The following DMD variants were observed in gnomAD, a reference collection of about 807,000 sequenced individuals.
The protein encoded by DMD is dystrophin.
DMD carries 63 observed loss-of-function variants against 330.1 expected under a neutral mutation model. The observed-to-expected ratio is 0.19, with a 90% CI of 0.16 to 0.24. DMD has a LOEUF of 0.24. Among genes scored for constraint, DMD ranks in the 10% least tolerant of loss-of-function variants. The pLI is 1.00. For synonymous variants in DMD, 1,223 were observed against 959.8 expected (o/e 1.27, Z -5.07); for missense variants, 3,344 against 2,684.1 (o/e 1.25, Z -5.43).
chrX:32,264,918 T>A (rs763163940), intron 43 of DMD, among the ~76,000 whole-genome samples: 50 of 112,207 alleles, frequency 4.5e-4, no homozygotes, highest in African/African-American at 1.6e-3. Context: ...TTGGAAATTA[T>A]GTTTAAAAGG....
At chrX:32,623,255 G>A (rs1178923041) in intron 11 of DMD, among the ~76,000 whole-genome samples, 1 of 111,765 alleles carries the variant, frequency 8.9e-6, no homozygotes, top group Non-Finnish European at 1.9e-5. Flanking sequence ...TGGGTGATTA[G>A]CAAGGAAGTG....
chrX:31,562,419 C>A (rs964223463), intron 55 of DMD, among the ~76,000 whole-genome samples: 1 of 111,978 alleles, frequency 8.9e-6, no homozygotes, highest in Admixed American at 9.4e-5. Context: ...CAGCAATTTG[C>A]GTTTCATCTG....
At chrX:31,278,775 C>T (rs1046349760) in intron 62 of DMD, among the ~76,000 whole-genome samples, 30 of 111,802 alleles carry the variant, frequency 2.7e-4, no homozygotes, top group Admixed American at 1.9e-4. Flanking sequence ...CTCAGGTCCA[C>T]GCCAACAAAT....
chrX:32,334,363 C>G (rs2097695111), intron 41 of DMD, among the ~76,000 whole-genome samples: 1 of 111,778 alleles, frequency 8.9e-6, no homozygotes, highest in Non-Finnish European at 1.9e-5. Context: ...TTCCCAAATT[C>G]TCCAAGGATG....
chrX:31,605,484 AC>A (rs2077568098), intron 55 of DMD, among the ~76,000 whole-genome samples: 2 of 111,959 alleles, frequency 1.8e-5, no homozygotes, highest in South Asian at 7.4e-4. Context: ...GTTAAAAAAA[AC>A]CTTTTTTTTG....
chrX:31,890,592 CT>C (rs67721544), intron 47 of DMD, among the ~76,000 whole-genome samples: 9,386 of 110,962 alleles, frequency 0.085, 323 homozygotes, highest in Non-Finnish European at 0.12. Context: ...CCGTACTACA[CT>C]ATTTGCTTAT....
chrX:31,631,156 G>A (rs1197961858), intron 54 of DMD, among the ~76,000 whole-genome samples: 1 of 110,913 alleles, frequency 9.0e-6, no homozygotes. Flanking sequence ...GGTAAAATCC[G>A]GCAAGCTGTG....
chrX:32,600,504 G>GTTT (rs66908307), intron 12 of DMD, among the ~76,000 whole-genome samples: 1 of 94,278 alleles, frequency 1.1e-5, no homozygotes, highest in East Asian at 3.4e-4. Flanking sequence ...TATATGTAAA[G>GTTT]TTTTTTTTTT....
chrX:31,863,176 T>C (rs1399250480), intron 48 of DMD, among the ~76,000 whole-genome samples: 1 of 112,159 alleles, frequency 8.9e-6, no homozygotes. Context: ...ACCCCGCCTC[T>C]ACTAAAAATA....
chrX:33,209,060 A>G (rs1273037085), intron 1 of DMD, among the ~76,000 whole-genome samples: 1 of 111,511 alleles, frequency 9.0e-6, no homozygotes, highest in African/African-American at 3.2e-5. Context: ...CTGTATTAAT[A>G]TCTGTGCCCA....
At chrX:32,469,846 C>T (rs182754642) in intron 22 of DMD, among the ~76,000 whole-genome samples, 23 of 111,272 alleles carry the variant, frequency 2.1e-4, no homozygotes, top group Admixed American at 2.0e-3. Flanking sequence ...CCTATCTAAT[C>T]CATCCATCCA....
At chrX:31,526,965 C>T (rs899136061) in intron 55 of DMD, among the ~76,000 whole-genome samples, 33 of 111,160 alleles carry the variant, frequency 3.0e-4, no homozygotes, top group African/African-American at 9.2e-4. Flanking sequence ...CAAAAAGTAG[C>T]GGGGTGTGGT....
At chrX:31,822,652 GGGTGT>G (rs1378180245) in intron 49 of DMD, among the ~76,000 whole-genome samples, 2,568 of 68,377 alleles carry the variant, frequency 0.038, 89 homozygotes, top group East Asian at 0.3. Flanking sequence ...AAAGGCAGAG[GGGTGT>G]GTGTGTGTGT....
intron 12 of DMD, among the ~76,000 whole-genome samples, chrX:32,610,587 G>T (rs1012426074): frequency 1.8e-5 from 2 of 110,985 alleles, no homozygotes; most frequent in Non-Finnish European, 3.8e-5. Context: ...TTGCCCTCCA[G>T]TTGAGAGAGA....
chrX:31,317,934 T>C (rs928213842), intron 62 of DMD, among the ~76,000 whole-genome samples: 1 of 112,391 alleles, frequency 8.9e-6, no homozygotes, highest in Non-Finnish European at 1.9e-5. Flanking sequence ...CGTTGATTGC[T>C]GTTAAGGCTA....
intron 16 of DMD, among the ~76,000 whole-genome samples, chrX:32,554,928 A>AGAAAG (rs2050104925): frequency 4.7e-5 from 1 of 21,190 alleles, no homozygotes; most frequent in Non-Finnish European, 7.6e-5. Flanking sequence ...AAAGAAAGAA[A>AGAAAG]GAAAGAAAGA....
intron 63 of DMD, among the ~76,000 whole-genome samples, chrX:31,252,654 A>G (rs1393651700): frequency 8.9e-6 from 1 of 111,903 alleles, no homozygotes; most frequent in Admixed American, 9.6e-5. Flanking sequence ...TGAGGATTAA[A>G]TATGGTTATT....
intron 42 of DMD, among the ~76,000 whole-genome samples, chrX:32,304,128 T>A (rs1408945802): frequency 1.8e-5 from 2 of 111,442 alleles, no homozygotes; most frequent in Non-Finnish European, 3.8e-5. Context: ...TCAGTAATTA[T>A]ATATCACACA....
intron 58 of DMD, among the ~76,000 whole-genome samples, chrX:31,478,696 A>G (rs1384495609): frequency 8.9e-6 from 1 of 112,284 alleles, no homozygotes; most frequent in Non-Finnish European, 1.9e-5. Context: ...CTTTGCAACA[A>G]TAGAATTCCT....
Sources: gnomAD v4.1 joint callset for allele counts (sites outside exome capture counted in the v4.1 genomes callset) on GRCh38, gnomAD v4.1.1 for gene constraint, MANE v1.5 for transcripts, NCBI Gene and HGNC (gene_info 2026-07-23, HGNC 2026-07-21) for gene names.